Variants in GLYATL2 observed in about 807,000 individuals in gnomAD.
The protein encoded by GLYATL2 is glycine-N-acyltransferase like 2.
GLYATL2 carries 25 observed loss-of-function variants against 21.4 expected under a neutral mutation model. The observed-to-expected ratio is 1.17, with a 90% confidence interval of 0.85 to 1.63. GLYATL2 has a LOEUF of 1.63. GLYATL2 is among the 40% of genes most tolerant of loss of function. The pLI, the probability that GLYATL2 is intolerant of heterozygous loss-of-function variation, is 0.00. For missense variants in GLYATL2, 361 were observed against 343.3 expected, an observed-to-expected ratio of 1.05 and a Z score of -0.41; for synonymous variants, 114 against 118.2, an observed-to-expected ratio of 0.96 and a Z score of 0.23.
At chr11:58,869,933 ATC>A (rs1296836020) in intron 1 of GLYATL2, among the ~76,000 whole-genome samples, 1 of 152,114 alleles carries the variant, frequency 6.6e-6, no homozygotes, top group Non-Finnish European at 1.5e-5. Context: ...CCCCGCCTGC[ATC>A]TCTATAAAAT....
At chr11:58,901,580 C>T (rs1236751610) in intron 1 of GLYATL2, among the ~76,000 whole-genome samples, 2 of 152,054 alleles carry the variant, frequency 1.3e-5, no homozygotes, top group Non-Finnish European at 2.9e-5. Context: ...GAGACTTCCC[C>T]CACCCCCACC....
chr11:58,846,603 G>T (rs988378505), upstream of GLYATL2, among the ~76,000 whole-genome samples: 1 of 152,080 alleles, frequency 6.6e-6, no homozygotes, highest in African/African-American at 2.4e-5. Flanking sequence ...ACCAAACTCA[G>T]CTGACACCTG....
At chr11:58,873,209 T>G (rs1159457143) in intron 1 of GLYATL2, among the ~76,000 whole-genome samples, 1 of 151,636 alleles carries the variant, frequency 6.6e-6, no homozygotes, top group African/African-American at 2.4e-5. Context: ...GTTTTCTAAA[T>G]ATACAATCAT....
intron 1 of GLYATL2, among the ~76,000 whole-genome samples, chr11:58,841,543 C>T (rs1853553232): frequency 6.6e-6 from 1 of 152,158 alleles, no homozygotes; most frequent in Non-Finnish European, 1.5e-5. Flanking sequence ...GTGAAGGTGA[C>T]CATTCCACCG....
At chr11:58,859,585 ATTGTTTCCT>A (rs1853895872) in intron 1 of GLYATL2, among the ~76,000 whole-genome samples, 2 of 151,966 alleles carry the variant, frequency 1.3e-5, no homozygotes, top group African/African-American at 4.8e-5. Context: ...CTTCCTGTCG[ATTGTTTCCT>A]TTGCTGTATA....
At chr11:58,885,625 T>C (rs1854423485) in intron 1 of GLYATL2, 2 of 297,370 alleles carry the variant, frequency 6.7e-6, no homozygotes, top group Admixed American at 7.8e-5. Context: ...AGGGCTGCTT[T>C]TATAGGGTGA....
chr11:58,880,835 G>A (rs948175328), intron 1 of GLYATL2, among the ~76,000 whole-genome samples: 1 of 152,228 alleles, frequency 6.6e-6, no homozygotes, highest in African/African-American at 2.4e-5. Flanking sequence ...CCTAGCTACA[G>A]AACGTAGTTT....
At chr11:58,906,065 C>T (rs6591500), upstream of GLYATL2, among the ~76,000 whole-genome samples, 2 of 152,022 alleles carry the variant, frequency 1.3e-5, no homozygotes, top group Admixed American at 6.5e-5. Context: ...GAATCGGGAG[C>T]AGCGGGCACT....
chr11:58,893,063 A>G (rs1481542107), intron 1 of GLYATL2: 14 of 388,240 alleles, frequency 3.6e-5, no homozygotes. Context: ...AATTTTAAAT[A>G]TGCCAAGCTG....
At chr11:58,888,502 A>G (rs182214269) in intron 1 of GLYATL2, among the ~76,000 whole-genome samples, 85 of 152,138 alleles carry the variant, frequency 5.6e-4, no homozygotes, top group African/African-American at 2.0e-3. Context: ...AGCATGAATT[A>G]ACATTCTTTT....
intron 1 of GLYATL2, among the ~76,000 whole-genome samples, chr11:58,857,304 T>G (rs1853845646): frequency 6.6e-6 from 1 of 152,230 alleles, no homozygotes; most frequent in Admixed American, 6.5e-5. Flanking sequence ...TTAATTATTT[T>G]TATGTCTTCT....
chr11:58,889,683 C>T (rs551528813), intron 1 of GLYATL2, among the ~76,000 whole-genome samples: 11 of 152,008 alleles, frequency 7.2e-5, no homozygotes, highest in Middle Eastern at 6.8e-3. Flanking sequence ...AAAGATCTTC[C>T]GATCAAAGCC....
intron 1 of GLYATL2, among the ~76,000 whole-genome samples, chr11:58,875,085 T>C (rs1854202267): frequency 6.6e-6 from 1 of 152,268 alleles, no homozygotes; most frequent in Non-Finnish European, 1.5e-5. Flanking sequence ...GTTTAAAGTC[T>C]GTTTTATCAG....
intron 1 of GLYATL2, among the ~76,000 whole-genome samples, chr11:58,891,352 G>A (rs576416746): frequency 2.0e-5 from 3 of 152,244 alleles, no homozygotes; most frequent in African/African-American, 2.4e-5. Context: ...AAACCCATGA[G>A]TCTAACACTA....
Position 58,834,711 on chromosome 11 carries a change from T to C in GLYATL2, c.603A>G (p.Gly201=). Residue 201 remains glycine (G), a synonymous_variant, in exon 6 of 6, where the codon GGA becomes GGG. Transcript: ENST00000287275. ...YIERCLQDFL[G]FGVLGPEGQL... ...GGCCCTCTGGACCCAGCACACCAAA[T>C]CCTAGAAAATCCTGGAGGCAGCGTT... 6.2e-7 allele frequency: 1 copy of C among 1,613,670 alleles called. No individual in the cohort carries two copies. The highest frequency in any genetic ancestry group is 8.5e-7 in the Non-Finnish European group (1 of 1,180,002).
intron 2 of GLYATL2, 48 bp from the exon 3 acceptor site, chr11:58,838,416 T>C (rs1853481437): frequency 8.9e-7 from 1 of 1,120,084 alleles, no homozygotes; most frequent in Non-Finnish European, 1.3e-6. Context: ...TCTTCTCCAA[T>C]ATAGAGTCTT....
chr11:58,872,937 C>T (rs374128529), intron 1 of GLYATL2, among the ~76,000 whole-genome samples: 6 of 152,216 alleles, frequency 3.9e-5, no homozygotes, highest in East Asian at 3.9e-4. Context: ...TTCTTCCATT[C>T]GTTTGTATCC....
At chr11:58,859,170 A>G (rs1357282265) in intron 1 of GLYATL2, among the ~76,000 whole-genome samples, 6 of 151,918 alleles carry the variant, frequency 3.9e-5, no homozygotes, top group Non-Finnish European at 8.8e-5. Flanking sequence ...CCTATTTCCT[A>G]GTTCAACTTG....
chr11:58,863,386 G>T (rs1003406264), intron 1 of GLYATL2, among the ~76,000 whole-genome samples: 12 of 152,152 alleles, frequency 7.9e-5, no homozygotes, highest in African/African-American at 2.9e-4. Context: ...CTGGAGAAAT[G>T]GACCTAGGAT....
Sources: gnomAD v4.1 joint callset for allele counts (sites outside exome capture counted in the v4.1 genomes callset) on GRCh38, gnomAD v4.1.1 for gene constraint, MANE v1.5 for transcripts, NCBI Gene and HGNC (gene_info 2026-07-23, HGNC 2026-07-21) for gene names.